Variants in IAPP observed in about 807,000 individuals in gnomAD.
IAPP encodes the protein Islet amyloid polypeptide (diabetes-associated peptide; amylin).
IAPP carries 4 observed loss-of-function variants against 2.9 expected under a neutral mutation model. The ratio of observed to expected loss-of-function variants is 1.39; its 90% CI spans 0.69 to 3.19. The LOEUF (loss-of-function observed/expected upper bound fraction) is 3.19, where lower values mean the gene tolerates loss of function less well. Among genes scored for constraint, IAPP ranks in the 30% most tolerant of loss-of-function variants. IAPP has a pLI of 0.01. For missense variants in IAPP, 114 were observed against 105.3 expected, an observed-to-expected ratio of 1.08 and a Z score of -0.36; for synonymous variants, 40 against 42.1, an observed-to-expected ratio of 0.95 and a Z score of 0.19.
chr12:21,372,568 T>A (rs966494666), upstream of IAPP, among the ~76,000 whole-genome samples: 6 of 152,344 alleles, frequency 3.9e-5, no homozygotes, highest in African/African-American at 1.4e-4. Context: ...TGTTTGCATA[T>A]ATGCACATTT....
intron 1 of IAPP, among the ~76,000 whole-genome samples, chr12:21,365,751 C>T (rs1415064254): frequency 6.6e-6 from 1 of 152,194 alleles, no homozygotes; most frequent in Non-Finnish European, 1.5e-5. Context: ...TATGAACAGA[C>T]ACTTCTCAAA....
At chr12:21,367,499 A>C (rs1163781909) in intron 1 of IAPP, among the ~76,000 whole-genome samples, 11 of 152,142 alleles carry the variant, frequency 7.2e-5, no homozygotes, top group Non-Finnish European at 8.8e-5. Context: ...GGAAGTTGGA[A>C]ATAAGAAGGA....
At chr12:21,356,144 A>C (rs1304591051) in intron 1 of IAPP, among the ~76,000 whole-genome samples, 1 of 152,084 alleles carries the variant, frequency 6.6e-6, no homozygotes, top group Non-Finnish European at 1.5e-5. Flanking sequence ...TGTGACTTTG[A>C]GTATGTTACT....
intron 1 of IAPP, among the ~76,000 whole-genome samples, chr12:21,363,644 T>C (rs139165076): frequency 0.065 from 9,870 of 152,086 alleles, 344 homozygotes; most frequent in Middle Eastern, 0.14. Context: ...ATTGATAGAC[T>C]GCTAGCAAGA....
chr12:21,357,497 G>A (rs1235264829), intron 1 of IAPP, among the ~76,000 whole-genome samples: 2 of 152,174 alleles, frequency 1.3e-5, no homozygotes, highest in African/African-American at 2.4e-5. Flanking sequence ...TGTTGTTTAA[G>A]CCACATGGTG....
intron 1 of IAPP, among the ~76,000 whole-genome samples, chr12:21,361,398 A>C (rs1938867048): frequency 6.6e-6 from 1 of 152,192 alleles, no homozygotes; most frequent in Non-Finnish European, 1.5e-5. Context: ...CACCATGATC[A>C]GAGACGAAAT....
chr12:21,373,461 T>A, intron 2 of IAPP, 30 bp downstream of exon 2: 1 of 1,472,336 alleles, frequency 6.8e-7, no homozygotes, highest in Non-Finnish European at 9.5e-7. Flanking sequence ...TGTTTCTTTG[T>A]AACTTTTGTA....
At chr12:21,360,062 T>A (rs1005011200) in intron 1 of IAPP, among the ~76,000 whole-genome samples, 14 of 151,724 alleles carry the variant, frequency 9.2e-5, no homozygotes, top group Non-Finnish European at 1.5e-5. Context: ...TACTATCTCA[T>A]CTGTATAGAA....
At chr12:21,373,853 C>T in intron 2 of IAPP, 1 of 516,974 alleles carries the variant, frequency 1.9e-6, no homozygotes, top group Non-Finnish European at 3.4e-6. Context: ...TTGTTTTCCT[C>T]AGATGTCTCT....
chr12:21,355,110 C>T (rs1243473109), intron 1 of IAPP: 1 of 152,142 alleles, frequency 6.6e-6, no homozygotes, highest in Admixed American at 6.6e-5. Flanking sequence ...TACTACTTTT[C>T]TTTATCATAT....
intron 1 of IAPP, among the ~76,000 whole-genome samples, chr12:21,362,423 C>T (rs991606809): frequency 1.4e-4 from 21 of 152,094 alleles, no homozygotes; most frequent in African/African-American, 4.6e-4. Flanking sequence ...AAGGAACAAC[C>T]GGTACGAGCC....
At chr12:21,356,392 T>C (rs1187610416) in intron 1 of IAPP, among the ~76,000 whole-genome samples, 1 of 151,638 alleles carries the variant, frequency 6.6e-6, no homozygotes, top group Non-Finnish European at 1.5e-5. Context: ...CCAAAACATA[T>C]CTCTATTATA....
At chr12:21,365,053 G>C (rs1227964794) in intron 1 of IAPP, among the ~76,000 whole-genome samples, 2 of 152,212 alleles carry the variant, frequency 1.3e-5, no homozygotes, top group East Asian at 3.9e-4. Context: ...CTACTTTAAA[G>C]TTCATATGGA....
At chr12:21,367,418 G>A (rs2045938) in intron 1 of IAPP, among the ~76,000 whole-genome samples, 49,045 of 151,918 alleles carry the variant, frequency 0.32, 8,219 homozygotes, top group East Asian at 0.46. Context: ...CTAGAAAGCA[G>A]TCAGTTTGGA....
intron 2 of IAPP, among the ~76,000 whole-genome samples, chr12:21,377,921 C>T (rs1940319738): frequency 6.6e-6 from 1 of 151,936 alleles, no homozygotes; most frequent in Admixed American, 6.6e-5. Context: ...ATAAATTCTT[C>T]AAGATTTTTA....
At chr12:21,369,895 A>C (rs1219567712), upstream of IAPP, among the ~76,000 whole-genome samples, 3 of 152,212 alleles carry the variant, frequency 2.0e-5, no homozygotes, top group African/African-American at 7.2e-5. Context: ...CTTCACTTTC[A>C]TTAGTGCTAC....
chr12:21,376,101 T>C (rs1242982007), intron 2 of IAPP, among the ~76,000 whole-genome samples: 1 of 152,192 alleles, frequency 6.6e-6, no homozygotes, highest in Admixed American at 6.6e-5. Context: ...CTAAGTGGAA[T>C]GATGGCCCAT....
intron 2 of IAPP, chr12:21,376,311 A>G: frequency 5.7e-6 from 2 of 352,382 alleles, no homozygotes; most frequent in Non-Finnish European, 1.2e-5. Flanking sequence ...TTCCTTTATT[A>G]CTTTTTTTGA....
chr12:21,355,298 T>C (rs1200701703), intron 1 of IAPP, among the ~76,000 whole-genome samples: 1 of 152,130 alleles, frequency 6.6e-6, no homozygotes, highest in African/African-American at 2.4e-5. Flanking sequence ...GAAGTATGGC[T>C]TTATCCTGAA....
Sources: allele counts gnomAD v4.1 joint callset (sites outside exome capture counted in the v4.1 genomes callset), GRCh38; gene constraint gnomAD v4.1.1; transcripts MANE v1.5; gene names NCBI Gene and HGNC (gene_info 2026-07-23, HGNC 2026-07-21).